Variants in KLF12 observed in about 807,000 individuals in gnomAD.
KLF12 encodes the protein KLF transcription factor 12, also known as Krueppel-like factor 12.
Under a neutral mutation model 37.8 loss-of-function variants are expected in KLF12, and 9 were observed. The observed-to-expected ratio is 0.24, with a 90% CI of 0.14 to 0.42. KLF12 has a LOEUF of 0.42. Among genes scored for constraint, KLF12 ranks in the 10% least tolerant of loss-of-function variants. The probability of loss-of-function intolerance (pLI) is 1.00; values close to 1 mark genes in which losing one functional copy is unlikely to be tolerated. For missense variants in KLF12, 411 were observed against 516.0 expected (o/e 0.80, Z 1.97); for synonymous variants, 208 against 202.1 (o/e 1.03, Z -0.25).
At chr13:73,849,772 C>T (rs557348271) in intron 3 of KLF12, among the ~76,000 whole-genome samples, 1 of 152,254 alleles carries the variant, frequency 6.6e-6, no homozygotes, top group South Asian at 2.1e-4. Flanking sequence ...TTAATGAATT[C>T]TCATGGCAGT....
At chr13:73,710,546 T>A (rs1266529837) in intron 7 of KLF12, among the ~76,000 whole-genome samples, 1 of 152,188 alleles carries the variant, frequency 6.6e-6, no homozygotes, top group African/African-American at 2.4e-5. Flanking sequence ...TTCAAACTTT[T>A]AAATTATTAT....
At position 73,799,362 on chromosome 13, in the gene KLF12, G is replaced by C. The variant is rs189779411; in HGVS notation, c.806+13790C>G. On this transcript the variant is annotated intron_variant, in intron 5 of 7. Coordinates refer to ENST00000377669, the MANE Select transcript of KLF12 (RefSeq NM_007249.5). ...TCTGCACAACGAACCACCATGGCAT[G>C]AGTTTACCTATGTAACAAACCTTCA... 4.0e-3 allele frequency among the ~76,000 whole-genome samples: 611 copies of C among 152,124 alleles called. 4 individuals carry two copies. Among genetic ancestry groups the C allele is most frequent in the African/African-American group, 0.013 (558 of 41,472 alleles).
the KLF12 span, among the ~76,000 whole-genome samples, chr13:74,172,370 T>G: frequency 6.6e-6 from 1 of 152,168 alleles, no homozygotes; most frequent in Non-Finnish European, 1.5e-5. Flanking sequence ...AGAAAGATCT[T>G]AAACACTAAT....
At chr13:73,890,267 A>G (rs996319138) in intron 3 of KLF12, among the ~76,000 whole-genome samples, 4 of 152,090 alleles carry the variant, frequency 2.6e-5, no homozygotes, top group African/African-American at 9.7e-5. Flanking sequence ...TCAAAAAATT[A>G]TTACCAAAAA....
At chr13:74,161,145 T>G in the KLF12 span, among the ~76,000 whole-genome samples, 534 of 151,668 alleles carry the variant, frequency 3.5e-3, 2 homozygotes, top group Non-Finnish European at 6.0e-3. Flanking sequence ...ACTAGGGGGA[T>G]TTGAGAAAGG....
chr13:74,059,358 A>G (rs1490870620), intron 1 of KLF12, among the ~76,000 whole-genome samples: 1 of 152,254 alleles, frequency 6.6e-6, no homozygotes, highest in Non-Finnish European at 1.5e-5. Flanking sequence ...AGAAATCTCC[A>G]AACTGCTTTC....
At chr13:73,768,809 C>T (rs773654275) in intron 5 of KLF12, among the ~76,000 whole-genome samples, 1 of 152,040 alleles carries the variant, frequency 6.6e-6, no homozygotes, top group African/African-American at 2.4e-5. Flanking sequence ...GCTGGGGTCA[C>T]GTAGGTAGTA....
At chr13:73,755,110 C>T (rs1030888070) in intron 6 of KLF12, among the ~76,000 whole-genome samples, 3 of 152,160 alleles carry the variant, frequency 2.0e-5, no homozygotes, top group Non-Finnish European at 4.4e-5. Context: ...CAATATAATT[C>T]AGATCTAAAG....
intron 2 of KLF12, among the ~76,000 whole-genome samples, chr13:73,992,861 T>C (rs1892006348): frequency 6.6e-6 from 1 of 152,184 alleles, no homozygotes; most frequent in African/African-American, 2.4e-5. Context: ...CAAGCAGACT[T>C]AAAAACAAGC....
the KLF12 span, among the ~76,000 whole-genome samples, chr13:74,305,284 C>CA: frequency 6.6e-6 from 1 of 152,014 alleles, no homozygotes; most frequent in African/African-American, 2.4e-5. Flanking sequence ...TTACCTAATC[C>CA]AAAATTTTTA....
chr13:74,122,716 C>T (rs1317881527), intron 1 of KLF12, among the ~76,000 whole-genome samples: 1 of 151,866 alleles, frequency 6.6e-6, no homozygotes, highest in Non-Finnish European at 1.5e-5. Context: ...TTGATTAGAA[C>T]AGTAGCAGCT....
At chr13:73,980,312 T>C (rs1256697170) in intron 2 of KLF12, among the ~76,000 whole-genome samples, 1 of 151,926 alleles carries the variant, frequency 6.6e-6, no homozygotes, top group Non-Finnish European at 1.5e-5. Context: ...CCTTAAAGAG[T>C]AGATAATTGT....
intron 1 of KLF12, among the ~76,000 whole-genome samples, chr13:74,015,544 A>T (rs1892667004): frequency 6.6e-6 from 1 of 152,134 alleles, no homozygotes; most frequent in African/African-American, 2.4e-5. Flanking sequence ...TGCATGAGAG[A>T]ATCTCAGTAA....
chr13:73,888,093 C>T (rs1034027133), intron 3 of KLF12, among the ~76,000 whole-genome samples: 8 of 151,912 alleles, frequency 5.3e-5, no homozygotes, highest in Non-Finnish European at 1.0e-4. Flanking sequence ...ACCTTTGCAC[C>T]CTAGACTCAA....
At chr13:74,004,261 G>T (rs1280553267) in intron 1 of KLF12, among the ~76,000 whole-genome samples, 1 of 152,148 alleles carries the variant, frequency 6.6e-6, no homozygotes, top group Non-Finnish European at 1.5e-5. Context: ...AGTAGTAGTG[G>T]TGACAGCAGT....
upstream of KLF12, among the ~76,000 whole-genome samples, chr13:74,134,302 C>T (rs867659807): frequency 0.011 from 1,726 of 151,822 alleles, 33 homozygotes; most frequent in African/African-American, 0.04. Context: ...GCGGGGGCGG[C>T]GGCGGGGAGG....
Position 73,695,522 on chromosome 13 carries a change from C to T in KLF12, c.1177G>A (p.Ala393Thr). Residue 393 changes from alanine (A) to threonine (T), a missense_variant, in exon 8 of 8, where the codon GCC becomes ACC. Around this residue, in one of 2 missense-constraint regions of KLF12, gnomAD observed 60 missense variants for 118.2 expected, o/e 0.51. Transcript: ENST00000377669. ...AACATATGCCTCCGGCGGTGCAGGG[C>T]CAAATGATCTGACCGGGAAAAGCTG... is the stretch of plus-strand genomic sequence containing the variant. The T allele has an allele frequency of 6.2e-7, 1 of 1,614,014 alleles. No individual in the cohort carries two copies. Among genetic ancestry groups the T allele is most frequent in the Non-Finnish European group, 8.5e-7 (1 of 1,179,962 alleles).
chr13:74,163,690 C>T, the KLF12 span, among the ~76,000 whole-genome samples: 1 of 151,940 alleles, frequency 6.6e-6, no homozygotes, highest in Non-Finnish European at 1.5e-5. Context: ...TCAATAATAA[C>T]TTAATTGCAT....
chr13:74,262,426 G>A, the KLF12 span, among the ~76,000 whole-genome samples: 1 of 152,186 alleles, frequency 6.6e-6, no homozygotes, highest in Non-Finnish European at 1.5e-5. Flanking sequence ...GTATCTATGA[G>A]CAATTGGTTC....
Sources: gnomAD v4.1 joint callset for allele counts (sites outside exome capture counted in the v4.1 genomes callset) on GRCh38, gnomAD v4.1.1 for gene constraint, gnomAD v4.1.1 regional missense constraint, MANE v1.5 for transcripts, NCBI Gene and HGNC (gene_info 2026-07-23, HGNC 2026-07-21) for gene names.